TMIGD3: variants seen among roughly 807,000 people sequenced by gnomAD.
TMIGD3 encodes transmembrane and immunoglobulin domain containing 3, also known as AD026 protein (AD026).
A neutral mutation model predicts 28.1 loss-of-function variants in TMIGD3; 21 were observed. The observed-to-expected ratio is 0.75, with a 90% CI of 0.53 to 1.08. The LOEUF (loss-of-function observed/expected upper bound fraction) is 1.08, where lower values mean the gene tolerates loss of function less well. TMIGD3 is among the 50% of genes least tolerant of loss of function. TMIGD3 has a pLI of 0.00. For missense variants in TMIGD3, 416 were observed against 435.6 expected (o/e 0.96, Z 0.40); for synonymous variants, 151 against 162.1 (o/e 0.93, Z 0.52).
intron 1 of TMIGD3, among the ~76,000 whole-genome samples, chr1:111,491,568 A>T (rs573313695): frequency 2.0e-5 from 3 of 152,184 alleles, no homozygotes; most frequent in South Asian, 2.1e-4. Context: ...TCTCTGGAGG[A>T]AGGGGAGCCT....
chr1:111,509,895 T>G (rs1233626507), intron 1 of TMIGD3, among the ~76,000 whole-genome samples: 1 of 152,242 alleles, frequency 6.6e-6, no homozygotes, highest in African/African-American at 2.4e-5. Context: ...AGGAGAGAAT[T>G]GACTCACTCT....
rs142305629 is a variant in TMIGD3 at position 111,500,237 on chromosome 1, G to A, written c.350+2768C>T. Reference sequence around the variant, plus strand: ...AAGGACTTAGCCGTCTTGAACTCCCGTCCATAAAATGCACCTGTCTCTTTG... The same window carrying A: ...AAGGACTTAGCCGTCTTGAACTCCCATCCATAAAATGCACCTGTCTCTTTG... On this transcript the variant is annotated intron_variant, in intron 1 of 5. Coordinates refer to ENST00000369716, the MANE Select transcript of TMIGD3 (RefSeq NM_020683.7). 3.7e-5 allele frequency: 60 copies of A among 1,614,120 alleles called. 1 individual carries two copies. Among genetic ancestry groups the A allele is most frequent in the East Asian group, 2.5e-4 (11 of 44,878 alleles).
At chr1:111,524,002 T>C (rs1374115315) in intron 1 of TMIGD3, among the ~76,000 whole-genome samples, 2 of 149,828 alleles carry the variant, frequency 1.3e-5, no homozygotes, top group Non-Finnish European at 3.0e-5. Flanking sequence ...TAGTTTACTC[T>C]TCTTGTTTCT....
chr1:111,488,908 A>G lies in TMIGD3; in HGVS notation c.574T>C (p.Phe192Leu), dbSNP rs1019781948. The G allele has an allele frequency of 1.9e-6, 3 of 1,614,206 alleles. No individual in the cohort carries two copies. The South Asian group carries it at 3.3e-5, about 18-fold the overall frequency. ...NHPKYWCRGY[F>L]RDYCNIIAFS... ...GCGATGATGTTGCAGTAGTCACGGAAATAGCCTCGGCACCAGTATTTGGGG... is the reference window on the plus strand; with the variant it reads ...GCGATGATGTTGCAGTAGTCACGGAGATAGCCTCGGCACCAGTATTTGGGG... Residue 192 changes from phenylalanine to leucine, a missense_variant, in exon 3 of 6, where the codon TTC (phenylalanine) becomes CTC (leucine). Coordinates refer to ENST00000369716, the MANE Select transcript of TMIGD3 (RefSeq NM_020683.7).
chr1:111,509,160 T>C (rs1314175957), intron 1 of TMIGD3, among the ~76,000 whole-genome samples: 19 of 152,098 alleles, frequency 1.2e-4, no homozygotes, highest in Non-Finnish European at 8.8e-5. Flanking sequence ...TCGCTTAAGA[T>C]GAGAATGGGG....
At chr1:111,519,724 T>C (rs1655992122) in intron 1 of TMIGD3, among the ~76,000 whole-genome samples, 2 of 150,690 alleles carry the variant, frequency 1.3e-5, no homozygotes, top group South Asian at 4.2e-4. Context: ...AGATGGAGTC[T>C]CACTGTCACC....
chr1:111,548,652 A>T (rs1047867085), intron 1 of TMIGD3, among the ~76,000 whole-genome samples: 3 of 152,164 alleles, frequency 2.0e-5, no homozygotes, highest in African/African-American at 7.2e-5. Context: ...CACAAACAAG[A>T]TTAATTTTTT....
At chr1:111,542,842 A>G (rs1311551934) in intron 1 of TMIGD3, among the ~76,000 whole-genome samples, 1 of 152,038 alleles carries the variant, frequency 6.6e-6, no homozygotes, top group African/African-American at 2.4e-5. Flanking sequence ...GACTACAGGC[A>G]TGAACCACCA....
At chr1:111,484,216 G>C (rs1173722785) in intron 5 of TMIGD3, among the ~76,000 whole-genome samples, 1 of 152,208 alleles carries the variant, frequency 6.6e-6, no homozygotes, top group Admixed American at 6.5e-5. Context: ...GATGTGTGAT[G>C]TGTGATAGTT....
intron 5 of TMIGD3, 33 bp downstream of exon 5, chr1:111,485,707 T>TG: frequency 4.4e-6 from 6 of 1,353,500 alleles, no homozygotes; most frequent in Non-Finnish European, 6.2e-6. Flanking sequence ...CTCTAATTCT[T>TG]GCCCACCCCC....
intron 1 of TMIGD3, among the ~76,000 whole-genome samples, chr1:111,537,961 C>T (rs1487092071): frequency 6.6e-6 from 1 of 152,158 alleles, no homozygotes; most frequent in Non-Finnish European, 1.5e-5. Context: ...AAATGGCCCT[C>T]ATGCTATTTT....
intron 1 of TMIGD3, among the ~76,000 whole-genome samples, chr1:111,491,229 C>T (rs1219667173): frequency 6.6e-6 from 1 of 152,228 alleles, no homozygotes; most frequent in African/African-American, 2.4e-5. Context: ...CCACGGGTGG[C>T]GCATGCCAGC....
chr1:111,508,977 C>G (rs544795036), intron 1 of TMIGD3, among the ~76,000 whole-genome samples: 1 of 152,344 alleles, frequency 6.6e-6, no homozygotes, highest in Admixed American at 6.5e-5. Context: ...CGCCTGTAAT[C>G]CCAGCTACGC....
intron 1 of TMIGD3, among the ~76,000 whole-genome samples, chr1:111,493,937 T>C (rs1413318797): frequency 2.6e-5 from 4 of 152,240 alleles, no homozygotes; most frequent in African/African-American, 9.6e-5. Context: ...CTTATTCCCA[T>C]CATACTCAGC....
At chr1:111,486,402 ATTTT>A (rs11311759) in intron 4 of TMIGD3, among the ~76,000 whole-genome samples, 180 bp downstream of exon 4, 4 of 142,532 alleles carry the variant, frequency 2.8e-5, no homozygotes, top group African/African-American at 7.7e-5. Flanking sequence ...CCTAAACTGT[ATTTT>A]TTTTTTTTTT....
At chr1:111,530,031 G>A (rs1329484125) in intron 1 of TMIGD3, among the ~76,000 whole-genome samples, 2 of 149,450 alleles carry the variant, frequency 1.3e-5, no homozygotes, top group African/African-American at 2.5e-5. Context: ...GGACGGGGCG[G>A]CTGGCCGGGC....
upstream of TMIGD3, chr1:111,505,063 C>G: frequency 2.1e-6 from 2 of 964,370 alleles, no homozygotes; most frequent in Non-Finnish European, 2.4e-6. Flanking sequence ...TAATTGTTTT[C>G]TTTATCTGTG....
At chr1:111,505,052 G>GTAAT, upstream of TMIGD3, 2 of 971,458 alleles carry the variant, frequency 2.1e-6, no homozygotes, top group Non-Finnish European at 2.4e-6. Flanking sequence ...TGTTTCTACT[G>GTAAT]TAATTGTTTT....
In TMIGD3 at chr1:111,563,688, C is replaced by G. The variant is rs74112345; in HGVS notation, c.107+158G>C. Among the ~76,000 whole-genome samples the G allele has an allele frequency of 8.3e-3, 1,262 of 152,304 alleles. 7 individuals carry two copies. Among genetic ancestry groups the G allele is most frequent in the African/African-American group, 0.029 (1,215 of 41,556 alleles). On this transcript the variant is annotated intron_variant, in intron 1 of 5. Coordinates refer to the TMIGD3 transcript ENST00000369717. Reference sequence around the variant, plus strand: ...ATATTATGTCACATCATCTTCACAACCCTGTGGAATACAAATTATCTCTAT... The same window carrying G: ...ATATTATGTCACATCATCTTCACAAGCCTGTGGAATACAAATTATCTCTAT...
Sources: allele counts gnomAD v4.1 joint callset (sites outside exome capture counted in the v4.1 genomes callset), GRCh38; gene constraint gnomAD v4.1.1; transcripts MANE v1.5; gene names NCBI Gene and HGNC (gene_info 2026-07-23, HGNC 2026-07-21).